AKT2: variants seen among roughly 807,000 people sequenced by gnomAD.
The protein encoded by AKT2 is AKT serine/threonine kinase 2.
A neutral mutation model predicts 58.6 loss-of-function variants in AKT2; 16 were observed. The observed-to-expected ratio is 0.27, with a 90% confidence interval of 0.18 to 0.41. The LOEUF (loss-of-function observed/expected upper bound fraction) is 0.41, where lower values mean the gene tolerates loss of function less well. Among genes scored for constraint, AKT2 ranks in the 10% least tolerant of loss-of-function variants. The pLI is 1.00. For synonymous variants in AKT2, 253 were observed against 254.0 expected, an observed-to-expected ratio of 1.00 and a Z score of 0.04; for missense variants, 438 against 661.0, an observed-to-expected ratio of 0.66 and a Z score of 3.70.
rs1973771430 is a variant in AKT2 at position 40,232,739 on chromosome 19, CCCACGTGTGCCTGCGT to C, written c.*1117_*1132del. 2 of 233,510 alleles carry C rather than the reference CCCACGTGTGCCTGCGT, an allele frequency of 8.6e-6. No homozygotes were observed. The allele number at this position is 233,510 out of a possible 1,614,324, so 14.5% of individuals were successfully genotyped here. On this transcript the variant is annotated 3_prime_UTR_variant, in exon 14 of 14. Coordinates refer to ENST00000392038, the MANE Select transcript of AKT2 (RefSeq NM_001626.6). ...TCACACAAACACACATGCACACACACCCACGTGTGCCTGCGTCCCGCCGACACACGCAGTCCGAGGC... is the reference window on the plus strand; with the variant it reads ...TCACACAAACACACATGCACACACACCCCGCCGACACACGCAGTCCGAGGC...
chr19:40,239,175 G>T, intron 7 of AKT2: 1 of 571,960 alleles, frequency 1.7e-6, no homozygotes, highest in Non-Finnish European at 3.1e-6. Context: ...CGGTAGGAAA[G>T]GGTTACATGC....
At chr19:40,275,029 C>G (rs577594562) in intron 1 of AKT2, 10 of 456,008 alleles carry the variant, frequency 2.2e-5, no homozygotes, top group African/African-American at 1.8e-4. Context: ...TCACCACCTG[C>G]CTCACTTGAG....
In AKT2 at chr19:40,242,485, G is replaced by C; in HGVS notation, c.441+49C>G. On this transcript the variant is annotated intron_variant, in intron 5 of 13. Coordinates refer to ENST00000392038, the MANE Select transcript of AKT2 (RefSeq NM_001626.6). The surrounding 1 kb of genome is among the most constrained non-coding windows in gnomAD (Gnocchi z 4.3). ...CCAAGGAGAGCAGGCCAGCACTGGG[G>C]GTGGGGGCACCGCAGGCTGGCAGCC... 6.2e-7 allele frequency: 1 copy of C among 1,610,054 alleles called. No homozygotes were observed. The highest frequency in any genetic ancestry group is 8.5e-7 in the Non-Finnish European group (1 of 1,179,038).
chr19:40,262,495 T>G (rs1319451456), intron 2 of AKT2, among the ~76,000 whole-genome samples: 2 of 152,218 alleles, frequency 1.3e-5, no homozygotes, highest in African/African-American at 2.4e-5. Context: ...AATGGTGGTG[T>G]GCTGCAGCTG....
intron 4 of AKT2, among the ~76,000 whole-genome samples, chr19:40,254,272 C>G (rs1975376834): frequency 6.6e-6 from 1 of 152,202 alleles, no homozygotes; most frequent in African/African-American, 2.4e-5. Flanking sequence ...GTGGCTCACA[C>G]CTGTAATCTC....
At chr19:40,270,535 G>C (rs942980990) in intron 1 of AKT2, 1 of 152,300 alleles carries the variant, frequency 6.6e-6, no homozygotes, top group Admixed American at 6.5e-5. Flanking sequence ...GGGCTAGGGA[G>C]GCAGGTGGGG....
rs531816308 is a variant in AKT2 at position 40,280,400 on chromosome 19, C to T, written c.-85+4781G>A. On this transcript the variant is annotated intron_variant, in intron 1 of 13. Transcript: ENST00000392038. Reference sequence around the variant, plus strand: ...CCTCAGGCCTTTGCTGGCTGTAAGGCAGTGATGCTACTGGAGGGGAAGTGG... The same window carrying T: ...CCTCAGGCCTTTGCTGGCTGTAAGGTAGTGATGCTACTGGAGGGGAAGTGG... Among the ~76,000 whole-genome samples, 262 of 152,284 alleles carry T rather than the reference C, an allele frequency of 1.7e-3. 1 individual carries two copies. Among genetic ancestry groups the T allele is most frequent in the Non-Finnish European group, 1.9e-3 (129 of 68,020 alleles).
At chr19:40,239,071 A>C in intron 7 of AKT2, 98 bp from the exon 8 acceptor site, 5 of 1,291,872 alleles carry the variant, frequency 3.9e-6, no homozygotes, top group Non-Finnish European at 5.4e-6. Flanking sequence ...CTGCACACAC[A>C]CACCCTGCCC....
chr19:40,267,309 C>T (rs1976427908), intron 1 of AKT2, among the ~76,000 whole-genome samples: 1 of 152,196 alleles, frequency 6.6e-6, no homozygotes, highest in East Asian at 1.9e-4. Flanking sequence ...TGAGCTGAGA[C>T]GTGCACCTAG....
At chr19:40,249,336 G>A (rs1322101318) in intron 4 of AKT2, among the ~76,000 whole-genome samples, 3 of 152,194 alleles carry the variant, frequency 2.0e-5, no homozygotes. Flanking sequence ...CCAGTGCTGC[G>A]TGTGCCAAAG....
intron 2 of AKT2, 73 bp from the exon 3 acceptor site, chr19:40,257,127 G>A (rs1367029135): frequency 6.4e-7 from 1 of 1,574,712 alleles, no homozygotes; most frequent in Admixed American, 1.7e-5. Context: ...GCGGCAGGAG[G>A]CCCAGTGTGA....
At chr19:40,240,239 G>A (rs1974306215) in intron 6 of AKT2, 129 bp from the exon 7 acceptor site, 2 of 1,010,160 alleles carry the variant, frequency 2.0e-6, no homozygotes, top group Non-Finnish European at 3.2e-6. Flanking sequence ...AATCACAGGA[G>A]TGAAAAGTGA....
chr19:40,255,292 GCA>G (rs760184369), intron 3 of AKT2, 23 bp from the exon 4 acceptor site: 1 of 1,599,022 alleles, frequency 6.3e-7, no homozygotes, highest in African/African-American at 1.3e-5. Context: ...GGAACAGACA[GCA>G]GGGGGCTGAG....
chr19:40,252,883 T>C (rs1347403033), intron 4 of AKT2, among the ~76,000 whole-genome samples: 2 of 152,226 alleles, frequency 1.3e-5, no homozygotes, highest in Non-Finnish European at 2.9e-5. Flanking sequence ...TGGCCATTCA[T>C]GTTTTGGTCC....
At chr19:40,240,177 G>A (rs1974302917) in intron 6 of AKT2, 67 bp from the exon 7 acceptor site, 2 of 1,482,128 alleles carry the variant, frequency 1.3e-6, no homozygotes, top group Admixed American at 3.3e-5. Context: ...CCCCGACGAA[G>A]GGGAGCAAGG....
intron 2 of AKT2, among the ~76,000 whole-genome samples, chr19:40,263,410 C>A (rs1025572928): frequency 6.6e-6 from 1 of 152,214 alleles, no homozygotes. Context: ...AAAATGCCTA[C>A]CCTTGTAGAG....
In AKT2 at chr19:40,234,105, G is replaced by A. The variant is rs935747624; in HGVS notation, c.1367-154C>T. 6.6e-6 allele frequency among the ~76,000 whole-genome samples: 1 copy of A among 152,144 alleles called. No individual in the cohort carries two copies. Among genetic ancestry groups the A allele is most frequent in the Non-Finnish European group, 1.5e-5 (1 of 68,004 alleles). On this transcript the variant is annotated intron_variant, in intron 13 of 13. Transcript: ENST00000392038. The surrounding 1 kb of genome is among the most constrained non-coding windows in gnomAD (Gnocchi z 4.7). ...CTCCGCAATGGAGGCCCTCAGCCAC[G>A]GACCCACTCCCCAAACCTGAGCCCC...
Position 40,233,127 on chromosome 19 carries a change from G to C in AKT2, c.*745C>G, listed in dbSNP as rs41300082. The stretch of plus-strand genomic sequence containing the variant: ...CTGGAAGGAAGCCCTAGTAAGGCAC[G>C]GGGCTGGGAGGCAGGCAGGTTTGGC... On this transcript the variant is annotated 3_prime_UTR_variant, in exon 14 of 14. Coordinates refer to ENST00000392038, the MANE Select transcript of AKT2 (RefSeq NM_001626.6). This position sits in a 1 kb window ranked among gnomAD's most constrained non-coding sequence, Gnocchi z 4.3. 3 of 237,256 alleles carry C rather than the reference G, an allele frequency of 1.3e-5. No homozygotes were observed. The highest frequency in any genetic ancestry group is 6.0e-5 in the East Asian group (1 of 16,672). The allele number at this position is 237,256 out of a possible 1,614,324, so 14.7% of individuals were successfully genotyped here. A position where few individuals can be genotyped will look rare whatever the true frequency, so the allele number is the denominator to read the frequency against.
At chr19:40,252,373 G>A (rs181857097) in intron 4 of AKT2, among the ~76,000 whole-genome samples, 2 of 152,182 alleles carry the variant, frequency 1.3e-5, no homozygotes, top group African/African-American at 4.8e-5. Context: ...GGCAGGTGGG[G>A]CTCTCCAGCC....
Sources: gnomAD v4.1 joint callset for allele counts (sites outside exome capture counted in the v4.1 genomes callset) on GRCh38, gnomAD v4.1.1 for gene constraint, Gnocchi (gnomAD v3.1) non-coding constraint, MANE v1.5 for transcripts, NCBI Gene and HGNC (gene_info 2026-07-23, HGNC 2026-07-21) for gene names.